Variants in BLK observed in about 807,000 individuals in gnomAD.
BLK encodes BLK proto-oncogene, Src family tyrosine kinase.
Under a neutral mutation model 61.8 loss-of-function variants are expected in BLK, and 64 were observed. The ratio of observed to expected loss-of-function variants is 1.03; its 90% confidence interval spans 0.85 to 1.27. BLK has a LOEUF of 1.27. BLK is among the 50% of genes most tolerant of loss of function. The pLI, the probability that BLK is intolerant of heterozygous loss-of-function variation, is 0.00. For missense variants in BLK, 853 were observed against 660.5 expected, an observed-to-expected ratio of 1.29 and a Z score of -3.19; for synonymous variants, 351 against 272.0, an observed-to-expected ratio of 1.29 and a Z score of -2.86.
chr8:11,564,266 G>A lies in BLK; in HGVS notation c.*158G>A, dbSNP rs1801626439. ...GCAGCTTCGCAGGGGGTCCCCGGAC[G>A]GACTCCTTCACCGACTGCACCCCCG... On this transcript the variant is annotated 3_prime_UTR_variant, in exon 13 of 13. Transcript: ENST00000259089. The A allele has an allele frequency of 1.1e-6, 1 of 897,224 alleles. No homozygotes were observed. Among genetic ancestry groups the A allele is most frequent in the Non-Finnish European group, 1.8e-6 (1 of 567,036 alleles). 55.6% of individuals were successfully genotyped at this position (897,224 alleles called of 1,614,324 possible). A position where few individuals can be genotyped will look rare whatever the true frequency, so the allele number is the denominator to read the frequency against.
At chr8:11,509,533 C>T (rs76154097) in intron 1 of BLK, 15,893 of 152,230 alleles carry the variant, frequency 0.1, 1,101 homozygotes, top group Non-Finnish European at 0.16. Flanking sequence ...TGACTGCGCC[C>T]TTGCCAGTGT....
At chr8:11,496,392 T>C (rs1017663415) in intron 1 of BLK, among the ~76,000 whole-genome samples, 2 of 152,014 alleles carry the variant, frequency 1.3e-5, no homozygotes, top group Non-Finnish European at 2.9e-5. Context: ...GGTACGCCAC[T>C]GTATCTGGCT....
chr8:11,554,918 G>A (rs1801126869), intron 7 of BLK, 29 bp downstream of exon 7: 2 of 1,607,686 alleles, frequency 1.2e-6, no homozygotes, highest in Admixed American at 1.7e-5. Context: ...TGGGGGCAGG[G>A]ACTTGTGCCA....
In BLK at chr8:11,548,123, G is replaced by C. The variant is rs1010571742; in HGVS notation, c.267G>C (p.Lys89Asn). 1 of 1,612,544 alleles carries C rather than the reference G, an allele frequency of 6.2e-7. No individual in the cohort carries two copies. Among genetic ancestry groups the C allele is most frequent in the African/African-American group, 1.3e-5 (1 of 74,968 alleles). The part of the protein sequence containing the change: ...MLKGEKLQVL[K>N]GTGDWWLARS... ...AGGGGGAGAAGCTACAGGTCCTGAA[G>C]GGGTGAGGTTCCAGGACACCATCCC... The change falls in exon 4 of 13, where the codon AAG (lysine) becomes AAC (asparagine). Residue 89 changes from lysine to asparagine, a missense_variant and splice_region_variant. Physicochemically the swap from Lys to Asn is moderately conservative, Grantham distance 94. Coordinates refer to ENST00000259089, the MANE Select transcript of BLK (RefSeq NM_001715.3).
chr8:11,544,496 C>G (rs1010613916), intron 2 of BLK, among the ~76,000 whole-genome samples: 2 of 152,068 alleles, frequency 1.3e-5, no homozygotes, highest in Admixed American at 1.3e-4. Flanking sequence ...AGTTTAGCGC[C>G]AGTCTCAGCG....
chr8:11,507,416 C>T (rs372377133), intron 1 of BLK, among the ~76,000 whole-genome samples: 10 of 152,334 alleles, frequency 6.6e-5, no homozygotes, highest in South Asian at 2.1e-4. Flanking sequence ...TCCCAGGGGA[C>T]GGGCCTGTCA....
At chr8:11,535,822 C>A (rs950398731) in intron 1 of BLK, among the ~76,000 whole-genome samples, 2 of 152,160 alleles carry the variant, frequency 1.3e-5, no homozygotes, top group South Asian at 2.1e-4. Context: ...TCTAATGGAG[C>A]CTACAGAGGT....
intron 2 of BLK, among the ~76,000 whole-genome samples, chr8:11,544,198 CA>C (rs1800515871): frequency 6.6e-6 from 1 of 152,208 alleles, no homozygotes; most frequent in Admixed American, 6.5e-5. Context: ...CTCCTGACCT[CA>C]GGTGATCCAC....
chr8:11,523,510 G>A (rs199841032), intron 1 of BLK, among the ~76,000 whole-genome samples: 11 of 152,174 alleles, frequency 7.2e-5, no homozygotes, highest in East Asian at 1.9e-4. Context: ...CTGCGATGGC[G>A]CCACTATACA....
intron 1 of BLK, among the ~76,000 whole-genome samples, chr8:11,541,656 C>T (rs1585384685): frequency 6.6e-6 from 1 of 152,098 alleles, no homozygotes; most frequent in Non-Finnish European, 1.5e-5. Context: ...CACCACCACA[C>T]CTGGCTAATT....
chr8:11,501,430 G>A (rs539491334), intron 1 of BLK, among the ~76,000 whole-genome samples: 20 of 151,054 alleles, frequency 1.3e-4, no homozygotes, highest in African/African-American at 4.9e-4. Context: ...CTGTCTATCT[G>A]ATGGGCTCTC....
At chr8:11,553,476 A>C (rs991163729) in intron 6 of BLK, 4 of 398,624 alleles carry the variant, frequency 1.0e-5, no homozygotes, top group Non-Finnish European at 2.0e-5. Context: ...GGGGCCTCAG[A>C]GCAGCCAGGC....
At position 11,556,579 on chromosome 8, in the gene BLK, T is replaced by C. The variant is rs1801235128; in HGVS notation, c.773-79T>C. 3 of 1,579,906 alleles carry C rather than the reference T, an allele frequency of 1.9e-6. No homozygotes were observed. In the South Asian group the frequency reaches 3.3e-5, roughly 18 times the overall value. ...TGGAATGGGGTGGCACCTGGGCACT[T>C]ACCCCGATTTTGGTTAAGGGATCAC... On this transcript the variant is annotated intron_variant, in intron 8 of 12. Coordinates refer to ENST00000259089, the MANE Select transcript of BLK (RefSeq NM_001715.3).
intron 1 of BLK, among the ~76,000 whole-genome samples, chr8:11,524,858 G>A (rs2729940): frequency 0.49 from 73,271 of 150,816 alleles, 18,930 homozygotes; most frequent in East Asian, 0.97. Flanking sequence ...ACCGTGATAC[G>A]CTCTGCTAAA....
At chr8:11,562,836 C>T in intron 11 of BLK, 143 bp from the exon 12 acceptor site, 1 of 1,089,278 alleles carries the variant, frequency 9.2e-7, no homozygotes, top group African/African-American at 1.6e-5. Context: ...TAGTGGCTCC[C>T]CCGCCATGCC....
intron 1 of BLK, among the ~76,000 whole-genome samples, chr8:11,541,502 T>TC (rs1800380407): frequency 8.7e-6 from 1 of 114,610 alleles, no homozygotes; most frequent in East Asian, 2.1e-3. Context: ...CTCTCTCTCT[T>TC]TTTTTTTTTT....
intron 1 of BLK, among the ~76,000 whole-genome samples, chr8:11,529,758 T>C (rs1268183327): frequency 6.6e-6 from 1 of 152,246 alleles, no homozygotes; most frequent in Non-Finnish European, 1.5e-5. Flanking sequence ...TGCCCAGGAA[T>C]GACCAAGGAC....
At chr8:11,496,658 C>T in intron 1 of BLK, among the ~76,000 whole-genome samples, 1 of 152,180 alleles carries the variant, frequency 6.6e-6, no homozygotes, top group East Asian at 1.9e-4. Flanking sequence ...CAAGCACAGG[C>T]CCAGCTACCC....
At chr8:11,526,200 C>G (rs1799646420) in intron 1 of BLK, among the ~76,000 whole-genome samples, 1 of 152,186 alleles carries the variant, frequency 6.6e-6, no homozygotes, top group Non-Finnish European at 1.5e-5. Flanking sequence ...CTTTTCTTAC[C>G]TGGCTTTCAC....
Sources: gnomAD v4.1 joint callset for allele counts (sites outside exome capture counted in the v4.1 genomes callset) on GRCh38, gnomAD v4.1.1 for gene constraint, MANE v1.5 for transcripts, NCBI Gene and HGNC (gene_info 2026-07-23, HGNC 2026-07-21) for gene names.